The following ITGA1 variants were observed in gnomAD, a reference collection of about 807,000 sequenced individuals.
ITGA1 encodes the protein integrin alpha-1.
Under a neutral mutation model 145.9 loss-of-function variants are expected in ITGA1, and 85 were observed. That is an observed-to-expected ratio of 0.58 (90% CI 0.49 to 0.70). ITGA1 has a LOEUF of 0.70. Ranked by LOEUF, ITGA1 falls within the 30% of genes least tolerant of loss-of-function variation. The pLI is 0.00. For missense variants in ITGA1, 1,351 were observed against 1,418.7 expected (o/e 0.95, Z 0.77); for synonymous variants, 520 against 495.3 (o/e 1.05, Z -0.66).
At chr5:52,819,505 T>C (rs2111700755) in intron 1 of ITGA1, among the ~76,000 whole-genome samples, 1 of 152,366 alleles carries the variant, frequency 6.6e-6, no homozygotes, top group East Asian at 1.9e-4. Context: ...TTTGCTTTTT[T>C]CTTGTAAATT....
At chr5:52,829,758 A>AT (rs918966182) in intron 1 of ITGA1, among the ~76,000 whole-genome samples, 7 of 152,024 alleles carry the variant, frequency 4.6e-5, no homozygotes, top group Non-Finnish European at 5.9e-5. Flanking sequence ...TCCAGAAGAC[A>AT]TTTTTTTGTG....
chr5:52,921,529 G>T (rs1455597112), intron 17 of ITGA1, among the ~76,000 whole-genome samples: 1 of 152,056 alleles, frequency 6.6e-6, no homozygotes, highest in African/African-American at 2.4e-5. Flanking sequence ...TAGTTAATCA[G>T]AACTGAACAC....
In ITGA1 at chr5:52,908,997, GAGA is replaced by G. The variant is rs769192643; in HGVS notation, c.1558_1560del (p.Lys520del). On this transcript the variant is annotated inframe_deletion, in exon 13 of 29. Coordinates refer to ENST00000282588, the MANE Select transcript of ITGA1 (RefSeq NM_181501.2). ...CGGAGCCCCTATGTACATGGGAACAGAGAAGGAGGAGCAAGGAAAAGTGTATGT... is the reference window on the plus strand; with the variant it reads ...CGGAGCCCCTATGTACATGGGAACAGAGGAGGAGCAAGGAAAAGTGTATGT... 6.8e-6 allele frequency: 11 copies of G among 1,613,910 alleles called. No individual in the cohort carries two copies. Among genetic ancestry groups the G allele is most frequent in the Middle Eastern group, 3.3e-4 (2 of 6,058 alleles).
At chr5:52,939,523 T>C in intron 24 of ITGA1, 67 bp from the exon 25 acceptor site, 1 of 1,029,054 alleles carries the variant, frequency 9.7e-7, no homozygotes, top group South Asian at 1.4e-5. Context: ...TTTACACTAC[T>C]GCAGCAAGTC....
At chr5:52,890,615 T>A (rs1026715028) in intron 8 of ITGA1, among the ~76,000 whole-genome samples, 2 of 152,214 alleles carry the variant, frequency 1.3e-5, no homozygotes, top group Non-Finnish European at 2.9e-5. Flanking sequence ...ACGATAGCTG[T>A]ACATATTTAC....
At chr5:52,909,386 A>T (rs1248350445) in intron 13 of ITGA1, among the ~76,000 whole-genome samples, 2 of 152,102 alleles carry the variant, frequency 1.3e-5, no homozygotes, top group East Asian at 3.9e-4. Context: ...TAACCTCAGC[A>T]GTTAAATCGG....
intron 2 of ITGA1, among the ~76,000 whole-genome samples, chr5:52,861,235 G>T (rs1749595266): frequency 6.6e-6 from 1 of 151,780 alleles, no homozygotes; most frequent in Non-Finnish European, 1.5e-5. Context: ...TATTGTATAT[G>T]TATGTGTGTG....
At chr5:52,857,521 G>A (rs921868302) in intron 2 of ITGA1, among the ~76,000 whole-genome samples, 2 of 149,692 alleles carry the variant, frequency 1.3e-5, no homozygotes, top group Non-Finnish European at 3.0e-5. Context: ...CTCATTTTTA[G>A]CCAAGTTACT....
At chr5:52,883,563 C>T (rs1274186454) in intron 7 of ITGA1, among the ~76,000 whole-genome samples, 1 of 152,144 alleles carries the variant, frequency 6.6e-6, no homozygotes, top group African/African-American at 2.4e-5. Flanking sequence ...GCAGAAGTTG[C>T]AAACAATATT....
chr5:52,788,754 C>T (rs1748179801), intron 1 of ITGA1, among the ~76,000 whole-genome samples: 1 of 152,124 alleles, frequency 6.6e-6, no homozygotes, highest in South Asian at 2.1e-4. Flanking sequence ...CCCCTCCACC[C>T]TTTTTTATGG....
chr5:52,836,868 C>A (rs1375476182), intron 1 of ITGA1, among the ~76,000 whole-genome samples: 1 of 151,838 alleles, frequency 6.6e-6, no homozygotes, highest in Non-Finnish European at 1.5e-5. Flanking sequence ...AGAGAAGTAT[C>A]CTGTTACTAC....
intron 1 of ITGA1, among the ~76,000 whole-genome samples, chr5:52,808,676 C>CTTTTTTTTTTTTTTTTTTTTTTTTTTTTT (rs60113844): frequency 1.0e-4 from 7 of 69,336 alleles, no homozygotes; most frequent in Admixed American, 1.9e-4. Flanking sequence ...TTCTTTCTTT[C>CTTTTTTTTTTTTTTTTTTTTTTTTTTTTT]TTTTTTTTTT....
intron 1 of ITGA1, chr5:52,801,680 T>TGGACAGTGTGAAAGAGAATGCA (rs768141325): frequency 5.0e-6 from 8 of 1,614,042 alleles, no homozygotes; most frequent in Non-Finnish European, 5.1e-6. Context: ...GTGAGGCTGG[T>TGGACAGTGTGAAAGAGAATGCA]GGACAGTGTG....
chr5:52,942,053 T>G (rs1214380809), intron 26 of ITGA1, among the ~76,000 whole-genome samples: 3 of 152,242 alleles, frequency 2.0e-5, no homozygotes, highest in South Asian at 2.1e-4. Flanking sequence ...CATTGCTTGT[T>G]TTTGTTGGCT....
chr5:52,908,972 C>T lies in ITGA1; in HGVS notation c.1530C>T (p.Val510=), dbSNP rs779581814. The T allele has an allele frequency of 3.7e-6, 6 of 1,613,694 alleles. No individual in the cohort carries two copies. Among genetic ancestry groups the T allele is most frequent in the East Asian group, 4.5e-5 (2 of 44,838 alleles). Residue 510 remains valine (V), a synonymous_variant, in exon 13 of 29, where the codon GTC becomes GTT. Coordinates refer to ENST00000282588, the MANE Select transcript of ITGA1 (RefSeq NM_181501.2). ...ATTCTAATACTGACATTCTTCTAGT[C>T]GGAGCCCCTATGTACATGGGAACAG... is the stretch of plus-strand genomic sequence containing the variant. ...DKDSNTDILL[V]GAPMYMGTEK...
chr5:52,798,245 T>C (rs1214917288), intron 1 of ITGA1, among the ~76,000 whole-genome samples: 2 of 152,132 alleles, frequency 1.3e-5, no homozygotes, highest in African/African-American at 2.4e-5. Flanking sequence ...TTCTTGAGGG[T>C]ACTCAGTATG....
chr5:52,950,237 T>A (rs554011049), intron 28 of ITGA1, among the ~76,000 whole-genome samples: 7 of 152,212 alleles, frequency 4.6e-5, no homozygotes, highest in African/African-American at 1.7e-4. Flanking sequence ...AGAACATTCC[T>A]CTCTCCTAAC....
chr5:52,919,333 C>A (rs189540308), intron 16 of ITGA1, among the ~76,000 whole-genome samples: 20 of 152,248 alleles, frequency 1.3e-4, no homozygotes, highest in Admixed American at 6.5e-4. Context: ...TAATACTTTA[C>A]CATTCCCACA....
chr5:52,815,119 CA>C, intron 1 of ITGA1, among the ~76,000 whole-genome samples: 1 of 152,214 alleles, frequency 6.6e-6, no homozygotes, highest in Non-Finnish European at 1.5e-5. Flanking sequence ...AATCAGCTAG[CA>C]AATATATCCA....
Sources: gnomAD v4.1 joint callset for allele counts (sites outside exome capture counted in the v4.1 genomes callset) on GRCh38, gnomAD v4.1.1 for gene constraint, MANE v1.5 for transcripts, NCBI Gene and HGNC (gene_info 2026-07-23, HGNC 2026-07-21) for gene names.